Variants in MTRF1 observed in about 807,000 individuals in gnomAD.
MTRF1 encodes the protein peptide chain release factor 1, mitochondrial.
In MTRF1, 51 loss-of-function variants were observed where a neutral mutation model predicts 62.9. The ratio of observed to expected loss-of-function variants is 0.81; its 90% CI spans 0.65 to 1.02. The LOEUF is 1.02. Among genes scored for constraint, MTRF1 ranks in the 50% least tolerant of loss-of-function variants. The pLI is 0.00. For missense variants in MTRF1, 446 were observed against 530.0 expected, an observed-to-expected ratio of 0.84 and a Z score of 1.56; for synonymous variants, 158 against 181.9, an observed-to-expected ratio of 0.87 and a Z score of 1.06.
chr13:41,233,498 C>T (rs2035959726), intron 7 of MTRF1, among the ~76,000 whole-genome samples: 1 of 152,000 alleles, frequency 6.6e-6, no homozygotes, highest in Admixed American at 6.6e-5. Context: ...ACCAAAATTA[C>T]CAATATTCAA....
the MTRF1 span, among the ~76,000 whole-genome samples, chr13:41,298,630 T>C: frequency 6.6e-6 from 1 of 152,248 alleles, no homozygotes; most frequent in Non-Finnish European, 1.5e-5. Flanking sequence ...TGCGAATCAC[T>C]TGGTATAAAC....
chr13:41,252,184 T>A (rs962685958), intron 5 of MTRF1: 1 of 152,566 alleles, frequency 6.6e-6, no homozygotes, highest in Non-Finnish European at 1.5e-5. Flanking sequence ...CCAGCCATTA[T>A]AAATTTTTAT....
upstream of MTRF1, among the ~76,000 whole-genome samples, chr13:41,265,682 G>A (rs1188026953): frequency 6.9e-6 from 1 of 145,860 alleles, no homozygotes; most frequent in Non-Finnish European, 1.5e-5. Context: ...AAACAAAGAA[G>A]AGGTTACGTG....
chr13:41,290,920 C>T, the MTRF1 span, among the ~76,000 whole-genome samples: 1 of 149,840 alleles, frequency 6.7e-6, no homozygotes, highest in African/African-American at 2.4e-5. Flanking sequence ...TGGAGAAACC[C>T]CGTCTCTACT....
chr13:41,248,310 C>T (rs756611889), intron 5 of MTRF1, among the ~76,000 whole-genome samples: 4 of 152,166 alleles, frequency 2.6e-5, no homozygotes, highest in East Asian at 3.9e-4. Flanking sequence ...TTAGTAGAAA[C>T]GGGGTTTTGC....
chr13:41,291,254 T>C, the MTRF1 span, among the ~76,000 whole-genome samples: 1 of 152,126 alleles, frequency 6.6e-6, no homozygotes, highest in African/African-American at 2.4e-5. Flanking sequence ...TACAGCTCAC[T>C]GTCATCTTGC....
At chr13:41,292,834 G>C in the MTRF1 span, among the ~76,000 whole-genome samples, 3 of 152,082 alleles carry the variant, frequency 2.0e-5, no homozygotes, top group African/African-American at 7.2e-5. Flanking sequence ...TTGGGAGGAG[G>C]CTGAGGTGGG....
chr13:41,229,112 C>G (rs1176575937), intron 7 of MTRF1: 1 of 152,176 alleles, frequency 6.6e-6, no homozygotes, highest in Non-Finnish European at 1.5e-5. Context: ...CTCTTTGAAA[C>G]CAAAGACTCA....
chr13:41,259,376 T>C (rs1023577989), intron 2 of MTRF1, among the ~76,000 whole-genome samples: 1 of 152,196 alleles, frequency 6.6e-6, no homozygotes, highest in African/African-American at 2.4e-5. Flanking sequence ...GGTATATCCA[T>C]ACAATGGAAT....
intron 8 of MTRF1, among the ~76,000 whole-genome samples, chr13:41,225,710 G>A (rs770428301): frequency 3.3e-5 from 5 of 151,304 alleles, no homozygotes; most frequent in East Asian, 1.9e-4. Context: ...TCAGGAGGCT[G>A]AGGCAGGAGA....
At chr13:41,277,857 C>G in the MTRF1 span, among the ~76,000 whole-genome samples, 4 of 152,194 alleles carry the variant, frequency 2.6e-5, no homozygotes, top group Admixed American at 6.5e-5. Flanking sequence ...TAGGGGCTGC[C>G]AGCCATCAGT....
In MTRF1 at chr13:41,223,242, C is replaced by T. The variant is rs749936321; in HGVS notation, c.1224+14G>A. 1 of 1,569,942 alleles carries T rather than the reference C, an allele frequency of 6.4e-7. No homozygotes were observed. The highest frequency in any genetic ancestry group is 1.7e-5 in the Admixed American group (1 of 58,986). ...TGAAATCAAAGGTAGGCAAAGCATA[C>T]TCAGTAGTATTACCTTAATATCACG... is the stretch of plus-strand genomic sequence containing the variant. On this transcript the variant is annotated intron_variant, in intron 9 of 9. Transcript: ENST00000379480.
At chr13:41,295,920 C>A in the MTRF1 span, among the ~76,000 whole-genome samples, 1 of 150,794 alleles carries the variant, frequency 6.6e-6, no homozygotes, top group Non-Finnish European at 1.5e-5. Context: ...ACTACTGATG[C>A]ATGCCAGAAC....
chr13:41,251,283 C>T (rs1243701521), intron 5 of MTRF1, among the ~76,000 whole-genome samples: 1 of 152,176 alleles, frequency 6.6e-6, no homozygotes, highest in Non-Finnish European at 1.5e-5. Context: ...TTGCAGTCTG[C>T]ACTAAATCTA....
intron 7 of MTRF1, among the ~76,000 whole-genome samples, chr13:41,228,333 A>G (rs2034848318): frequency 6.6e-6 from 1 of 152,102 alleles, no homozygotes; most frequent in Non-Finnish European, 1.5e-5. Flanking sequence ...TTGGGAGGCA[A>G]AGGCGGGTGG....
chr13:41,272,692 A>T, the MTRF1 span, among the ~76,000 whole-genome samples: 1 of 152,164 alleles, frequency 6.6e-6, no homozygotes, highest in African/African-American at 2.4e-5. Flanking sequence ...CAGGCTAAAG[A>T]CTGCCTTCTA....
chr13:41,243,401 T>C (rs2037798140), intron 5 of MTRF1, among the ~76,000 whole-genome samples: 1 of 86,968 alleles, frequency 1.1e-5, no homozygotes, highest in South Asian at 4.8e-4. Flanking sequence ...TGAGACCCTG[T>C]CTCAAAAAAA....
At position 41,252,930 on chromosome 13, in the gene MTRF1, A is replaced by C. The variant is rs936467976; in HGVS notation, c.589+19T>G. The C allele has an allele frequency of 6.4e-7, 1 of 1,551,414 alleles. No homozygotes were observed. Among genetic ancestry groups the C allele is most frequent in the Non-Finnish European group, 8.8e-7 (1 of 1,133,718 alleles). ...AAGGACTTTTTAGATCATTTAAATA[A>C]TAAAGTAAGTTTACTGACCTCCAGT... is the stretch of plus-strand genomic sequence containing the variant. On this transcript the variant is annotated intron_variant, in intron 4 of 9. Coordinates refer to ENST00000379480, the MANE Select transcript of MTRF1 (RefSeq NM_004294.4).
At chr13:41,284,126 C>T in the MTRF1 span, among the ~76,000 whole-genome samples, 1 of 148,344 alleles carries the variant, frequency 6.7e-6, no homozygotes. Flanking sequence ...TAGAACTTTA[C>T]AGCCCATGAG....
Sources: gnomAD v4.1 joint callset for allele counts (sites outside exome capture counted in the v4.1 genomes callset) on GRCh38, gnomAD v4.1.1 for gene constraint, MANE v1.5 for transcripts, NCBI Gene and HGNC (gene_info 2026-07-23, HGNC 2026-07-21) for gene names.